Variants in NADSYN1 observed in about 807,000 individuals in gnomAD.
NADSYN1 encodes glutamine-dependent NAD(+) synthetase.
In NADSYN1, 80 loss-of-function variants were observed where a neutral mutation model predicts 99.3. The ratio of observed to expected loss-of-function variants is 0.81; its 90% CI spans 0.67 to 0.97. The LOEUF is 0.97. NADSYN1 is among the 50% of genes least tolerant of loss of function. The pLI, the probability that NADSYN1 is intolerant of heterozygous loss-of-function variation, is 0.00. For missense variants in NADSYN1, 859 were observed against 948.5 expected (o/e 0.91, Z 1.24); for synonymous variants, 385 against 372.1 (o/e 1.03, Z -0.40).
At position 71,458,555 on chromosome 11, in the gene NADSYN1, G is replaced by T; in HGVS notation, c.263+11G>T. The T allele has an allele frequency of 6.3e-7, 1 of 1,585,480 alleles. No homozygotes were observed. The highest frequency in any genetic ancestry group is 8.7e-7 in the Non-Finnish European group (1 of 1,153,466). On this transcript the variant is annotated intron_variant, in intron 3 of 20. Transcript: ENST00000319023. ...CTGCGACGTGGGGATGTAAGTGCCA[G>T]TGTGAGTGTGGAAGGGCAAACCTGG...
intron 1 of NADSYN1, among the ~76,000 whole-genome samples, chr11:71,454,071 C>T (rs909431684): frequency 2.0e-5 from 3 of 152,178 alleles, no homozygotes; most frequent in Non-Finnish European, 4.4e-5. Context: ...ACACCTGCAC[C>T]TAAATGGGCA....
At chr11:71,463,003 G>A (rs767852175) in intron 3 of NADSYN1, among the ~76,000 whole-genome samples, 3 of 152,152 alleles carry the variant, frequency 2.0e-5, no homozygotes, top group East Asian at 1.9e-4. Flanking sequence ...GGGCCAGCCC[G>A]GAGCAGCAAA....
rs1949529731 is a variant in NADSYN1, at chr11:71,458,780, G to A, written c.263+236G>A. The A allele has an allele frequency of 3.6e-5, 18 of 496,686 alleles. No homozygotes were observed. The South Asian group carries it at 3.9e-4, about 11-fold the overall frequency. 30.8% of individuals were successfully genotyped at this position (496,686 alleles called of 1,614,324 possible). On this transcript the variant is annotated intron_variant, in intron 3 of 20. Coordinates refer to ENST00000319023, the MANE Select transcript of NADSYN1 (RefSeq NM_018161.5). ...TGTGTCAGTTCTTCCAGAAAGTCCT[G>A]TGCACACATCAGCAGACTCTGCACA...
intron 15 of NADSYN1, 27 bp from the exon 16 acceptor site, chr11:71,485,515 C>T (rs997447530): frequency 5.3e-6 from 8 of 1,515,944 alleles, no homozygotes; most frequent in African/African-American, 1.4e-5. Context: ...CAAGGGAACC[C>T]GTTATTTCCT....
intron 18 of NADSYN1, chr11:71,497,109 C>A: frequency 3.7e-6 from 1 of 267,418 alleles, no homozygotes; most frequent in Non-Finnish European, 7.3e-6. Context: ...AACCCCTGGG[C>A]TCAAGCAGTC....
intron 12 of NADSYN1, 90 bp downstream of exon 12, chr11:71,481,494 T>TC: frequency 7.7e-7 from 1 of 1,306,342 alleles, no homozygotes; most frequent in Non-Finnish European, 1.1e-6. Flanking sequence ...TTTTTTTTTT[T>TC]TTTTTTAGTG....
At chr11:71,491,100 C>G in intron 17 of NADSYN1, 124 bp downstream of exon 17, 1 of 1,334,426 alleles carries the variant, frequency 7.5e-7, no homozygotes, top group Non-Finnish European at 1.0e-6. Flanking sequence ...GGTCCTGCCC[C>G]TGAGCTGGCA....
chr11:71,454,875 G>A (rs1026491518), intron 1 of NADSYN1, among the ~76,000 whole-genome samples: 3 of 147,294 alleles, frequency 2.0e-5, no homozygotes, highest in African/African-American at 7.4e-5. Context: ...GTATATGCAA[G>A]TATAAGCAGG....
rs779646449 is a variant in NADSYN1 at position 71,501,302 on chromosome 11, G to C, written c.2071G>C (p.Val691Leu). Residue 691 changes from valine (V) to leucine (L), a missense_variant and splice_region_variant, in exon 21 of 21, where the codon GTG (valine) becomes CTG (leucine). Val to Leu is a conservative substitution (Grantham distance 32). Transcript: ENST00000319023. ...TGGTGTCACAGGCCTCTCTTTCCAG[G>C]TGCTACAGCTCGAGAGGGCAGAGCC... ...PWQFRCIENQ[V>L]LQLERAEPQS... 1.9e-6 allele frequency: 3 copies of C among 1,589,252 alleles called. No homozygotes were observed.
chr11:71,489,972 G>A (rs541081594), intron 16 of NADSYN1, among the ~76,000 whole-genome samples: 15 of 152,314 alleles, frequency 9.8e-5, no homozygotes, highest in African/African-American at 2.9e-4. Flanking sequence ...CGTTGGCAGC[G>A]GGGTGGGGTG....
rs1463188874 is a variant in NADSYN1 at position 71,464,216 on chromosome 11, A to T, written c.407+74A>T. The stretch of plus-strand genomic sequence containing the variant: ...CTGTGTGTAGCCTTGGGTCCTGATC[A>T]TGGGAGTGTTACCGGTGGAGGGTGT... On this transcript the variant is annotated intron_variant, in intron 5 of 20. Coordinates refer to ENST00000319023, the MANE Select transcript of NADSYN1 (RefSeq NM_018161.5). The T allele has an allele frequency of 4.1e-6, 5 of 1,228,030 alleles. No homozygotes were observed. The African/African-American group carries it at 4.5e-5, about 11-fold the overall frequency. The allele number at this position is 1,228,030 out of a possible 1,614,324, so 76.1% of individuals were successfully genotyped here.
intron 3 of NADSYN1, among the ~76,000 whole-genome samples, chr11:71,462,585 G>T (rs770168901): frequency 9.8e-5 from 15 of 152,308 alleles, no homozygotes; most frequent in Middle Eastern, 3.4e-3. Context: ...TGTGTCAGGA[G>T]TGCATCCTTC....
rs377730081 is a variant in NADSYN1 at position 71,480,873 on chromosome 11, A to C, written c.992A>C (p.Glu331Ala). The C allele has an allele frequency of 1.2e-6, 2 of 1,613,944 alleles. No homozygotes were observed. The highest frequency in any genetic ancestry group is 1.3e-5 in the African/African-American group (1 of 74,988). Residue 331 changes from glutamate (E) to alanine (A), a missense_variant, in exon 11 of 21, where the codon GAG becomes GCG. Glu to Ala is a moderately radical substitution (Grantham distance 107). Coordinates refer to ENST00000319023, the MANE Select transcript of NADSYN1 (RefSeq NM_018161.5). ...TGGAAATACCACAGCCCTGAGGAGG[A>C]GATAAGGTGTGTGGCCCCTGACCCC... The part of the protein sequence containing the change: ...IEWKYHSPEE[E>A]ISLGPACWLW...
At chr11:71,484,213 CA>C in intron 14 of NADSYN1, 98 bp from the exon 15 acceptor site, 1 of 1,508,562 alleles carries the variant, frequency 6.6e-7, no homozygotes, top group Non-Finnish European at 9.0e-7. Context: ...AAATGGGTTA[CA>C]ATGGTCAGTT....
chr11:71,473,520 G>A (rs1949643141), intron 7 of NADSYN1, 49 bp from the exon 8 acceptor site: 1 of 1,568,826 alleles, frequency 6.4e-7, no homozygotes, highest in East Asian at 2.3e-5. Flanking sequence ...AGGGAGGCTG[G>A]TTTGGAGGAG....
At chr11:71,479,884 C>A (rs993655777) in intron 10 of NADSYN1, 5 of 152,254 alleles carry the variant, frequency 3.3e-5, no homozygotes, top group Admixed American at 2.6e-4. Context: ...GCAGTTGAAT[C>A]TGCGGGTGTA....
intron 8 of NADSYN1, among the ~76,000 whole-genome samples, chr11:71,473,971 G>A (rs1949647003): frequency 6.6e-6 from 1 of 152,218 alleles, no homozygotes; most frequent in South Asian, 2.1e-4. Context: ...GAGGCGTAGG[G>A]AACACCCGTA....
intron 2 of NADSYN1, among the ~76,000 whole-genome samples, chr11:71,457,982 C>T (rs1442078615): frequency 2.0e-5 from 3 of 152,188 alleles, no homozygotes; most frequent in African/African-American, 4.8e-5. Context: ...CAGCCGACTA[C>T]AAGCATCTGT....
intron 6 of NADSYN1, among the ~76,000 whole-genome samples, chr11:71,472,861 G>C (rs1460062519): frequency 6.6e-6 from 1 of 152,230 alleles, no homozygotes; most frequent in African/African-American, 2.4e-5. Flanking sequence ...TCTCAATTTT[G>C]AATTCTAAGG....
Sources: gnomAD v4.1 joint callset for allele counts (sites outside exome capture counted in the v4.1 genomes callset) on GRCh38, gnomAD v4.1.1 for gene constraint, MANE v1.5 for transcripts, NCBI Gene and HGNC (gene_info 2026-07-23, HGNC 2026-07-21) for gene names.